PPP1R12C: variants seen among roughly 807,000 people sequenced by gnomAD.
PPP1R12C encodes the protein leukocyte receptor cluster (LRC) encoded novel gene 3.
Under a neutral mutation model 95.6 loss-of-function variants are expected in PPP1R12C, and 48 were observed. That is an observed-to-expected ratio of 0.50 (90% CI 0.40 to 0.64). PPP1R12C has a LOEUF of 0.64. PPP1R12C is among the 30% of genes least tolerant of loss of function. PPP1R12C has a pLI of 0.00. For synonymous variants in PPP1R12C, 480 were observed against 460.8 expected (o/e 1.04, Z -0.53); for missense variants, 1,057 against 1,083.3 (o/e 0.98, Z 0.34).
chr19:55,107,371 G>A (rs1051225208), intron 3 of PPP1R12C, among the ~76,000 whole-genome samples: 1 of 152,112 alleles, frequency 6.6e-6, no homozygotes, highest in Non-Finnish European at 1.5e-5. Context: ...TCAAGACCAT[G>A]CCACTGCACT....
Position 55,117,588 on chromosome 19 carries a change from A to ACCG in PPP1R12C, c.-48_-46dup, listed in dbSNP as rs1369780723. ...GCGAGCGAGCGAGCGCCGAGCCCCAACCGCCGCCACCACCCGCCCGCCCGC... is the reference window on the plus strand; with the variant it reads ...GCGAGCGAGCGAGCGCCGAGCCCCAACCGCCGCCGCCACCACCCGCCCGCCCGC... On this transcript the variant is annotated 5_prime_UTR_variant, in exon 1 of 22. Transcript: ENST00000263433. 8 of 949,112 alleles carry ACCG rather than the reference A, an allele frequency of 8.4e-6. No homozygotes were observed. Among genetic ancestry groups the ACCG allele is most frequent in the Non-Finnish European group, 1.0e-5 (8 of 798,540 alleles). The allele number at this position is 949,112 out of a possible 1,614,324, so 58.8% of individuals were successfully genotyped here. A position where few individuals can be genotyped will look rare whatever the true frequency, so the allele number is the denominator to read the frequency against.
At chr19:55,108,432 T>C (rs1422204951) in intron 3 of PPP1R12C, among the ~76,000 whole-genome samples, 1 of 151,842 alleles carries the variant, frequency 6.6e-6, no homozygotes, top group Non-Finnish European at 1.5e-5. Context: ...AGTTCCAGAC[T>C]AGCTTGGGCA....
At chr19:55,111,155 G>T (rs543174252) in intron 3 of PPP1R12C, among the ~76,000 whole-genome samples, 1 of 141,930 alleles carries the variant, frequency 7.0e-6, no homozygotes, top group Non-Finnish European at 1.5e-5. Context: ...GGGGGAGGGG[G>T]GGGTGCATGG....
rs1474347417 is a variant in PPP1R12C, at chr19:55,109,078, A to G, written c.571+3389T>C. On this transcript the variant is annotated intron_variant, in intron 3 of 21. Transcript: ENST00000263433. The surrounding 1 kb of genome is among the most constrained non-coding windows in gnomAD (Gnocchi z 4.4). Reference sequence around the variant, plus strand: ...TTGCTCCTACCTCTGGGCTATTGTGAACGATGCTATGAACACGGGTATATA... The same window carrying G: ...TTGCTCCTACCTCTGGGCTATTGTGGACGATGCTATGAACACGGGTATATA... Among the ~76,000 whole-genome samples, 4 of 152,168 alleles carry G rather than the reference A, an allele frequency of 2.6e-5. No individual in the cohort carries two copies. The highest frequency in any genetic ancestry group is 6.5e-5 in the Admixed American group (1 of 15,280).
chr19:55,104,150 G>A (rs2085008400), intron 3 of PPP1R12C, among the ~76,000 whole-genome samples: 1 of 114,170 alleles, frequency 8.8e-6, no homozygotes, highest in Admixed American at 1.1e-4. Context: ...GCAACACAGT[G>A]AGACTCTGTC....
intron 1 of PPP1R12C, chr19:55,113,972 G>C: frequency 6.3e-6 from 1 of 158,054 alleles, no homozygotes; most frequent in Non-Finnish European, 1.4e-5. Flanking sequence ...CCAGGCCCCA[G>C]CCCTTCCGCC....
rs374913827 is a variant in PPP1R12C at position 55,093,241 on chromosome 19, G to A, written c.1684-8C>T. The A allele has an allele frequency of 5.6e-6, 9 of 1,611,588 alleles. No homozygotes were observed. The African/African-American group carries it at 9.4e-5, about 17-fold the overall frequency. On this transcript the variant is annotated splice_polypyrimidine_tract_variant and splice_region_variant and intron_variant, in intron 13 of 21. Coordinates refer to ENST00000263433, the MANE Select transcript of PPP1R12C (RefSeq NM_017607.4). ...GTCTGTAAGAGTCACACCCTGGCAG[G>A]GAAAGGGGACAGTCAGGGGACGCTG...
rs1374527930 is a variant in PPP1R12C, at chr19:55,117,203, G to A, written c.321+20C>T. ...GAGGGTGGACCTGGCCCCGGGAGAC[G>A]CCGGGCGGGGGGCGCTGACCTGGTG... On this transcript the variant is annotated intron_variant, in intron 1 of 21. Coordinates refer to ENST00000263433, the MANE Select transcript of PPP1R12C (RefSeq NM_017607.4). 8.2e-7 allele frequency: 1 copy of A among 1,222,386 alleles called. No individual in the cohort carries two copies. Among genetic ancestry groups the A allele is most frequent in the Non-Finnish European group, 1.0e-6 (1 of 981,590 alleles). 75.7% of individuals were successfully genotyped at this position (1,222,386 alleles called of 1,614,324 possible).
chr19:55,094,469 C>G, intron 12 of PPP1R12C, 34 bp from the exon 13 acceptor site: 5 of 1,611,310 alleles, frequency 3.1e-6, no homozygotes, highest in Non-Finnish European at 4.2e-6. Context: ...GACAGGGAAC[C>G]TGGGGACCCT....
Position 55,096,747 on chromosome 19 carries a change from A to G in PPP1R12C, c.952-412T>C, listed in dbSNP as rs942738046. ...CCGCGCAGTTCACCACCGTCTTCAC[A>G]CCTTCCCCGCAGTTCACCACCGTCT... On this transcript the variant is annotated intron_variant, in intron 6 of 21. Transcript: ENST00000263433. The G allele has an allele frequency of 2.4e-4, 46 of 192,386 alleles. 1 individual carries two copies. Among genetic ancestry groups the G allele is most frequent in the Non-Finnish European group, 9.7e-5 (10 of 103,172 alleles). 11.9% of individuals were successfully genotyped at this position (192,386 alleles called of 1,614,324 possible). A position where few individuals can be genotyped will look rare whatever the true frequency, so the allele number is the denominator to read the frequency against.
At chr19:55,114,576 T>C (rs575144) in intron 1 of PPP1R12C, 141,127 of 152,286 alleles carry the variant, frequency 0.93, 65,484 homozygotes, top group East Asian at 1. Context: ...AGGGTTTCAG[T>C]GCTAAAACTA....
intron 3 of PPP1R12C, among the ~76,000 whole-genome samples, chr19:55,106,206 GA>G (rs34146351): frequency 0.048 from 7,257 of 152,218 alleles, 609 homozygotes; most frequent in African/African-American, 0.16. Flanking sequence ...AAAGTTTGCT[GA>G]CCCCTGCTTA....
chr19:55,104,205 CACACACACAT>C (rs1242769127), intron 3 of PPP1R12C, among the ~76,000 whole-genome samples: 1 of 134,844 alleles, frequency 7.4e-6, no homozygotes, highest in Non-Finnish European at 1.6e-5. Flanking sequence ...TATATACACA[CACACACACAT>C]ACAAAAATAT....
chr19:55,099,917 A>T (rs2084962851), intron 4 of PPP1R12C, among the ~76,000 whole-genome samples: 1 of 152,350 alleles, frequency 6.6e-6, no homozygotes, highest in African/African-American at 2.4e-5. Flanking sequence ...AGAGCTTCAC[A>T]AAGTGGGAAC....
In PPP1R12C at chr19:55,092,857, C is replaced by G. The variant is rs1001885599; in HGVS notation, c.1837G>C (p.Asp613His). The G allele has an allele frequency of 1.3e-6, 2 of 1,583,046 alleles. No homozygotes were observed. Among genetic ancestry groups the G allele is most frequent in the East Asian group, 4.7e-5 (2 of 42,960 alleles). ...GCCTGCGGTCCCGGACCCTGCCCGT[C>G]GGGCGCCTCTGCTGGGGGAGGGGCA... ...DSPAQRAEAP[D>H]GQGPGPQAAR... The change falls in exon 16 of 22, where the codon GAC becomes CAC. Residue 613 changes from aspartate to histidine, a missense_variant. Physicochemically the swap from Asp to His is moderately conservative, Grantham distance 81 (BLOSUM62 -1). Transcript: ENST00000263433.
chr19:55,092,994 C>T, intron 15 of PPP1R12C, 22 bp downstream of exon 15: 1 of 1,564,944 alleles, frequency 6.4e-7, no homozygotes, highest in Non-Finnish European at 8.7e-7. Context: ...CTGGGAATGA[C>T]CTCCCCGAGA....
intron 18 of PPP1R12C, 25 bp downstream of exon 18, chr19:55,092,417 C>A (rs923172653): frequency 6.3e-7 from 1 of 1,586,344 alleles, no homozygotes; most frequent in Non-Finnish European, 8.6e-7. Context: ...GCAGGCAAAG[C>A]CCCGACGGAG....
chr19:55,095,023 G>T, intron 11 of PPP1R12C: 2 of 689,610 alleles, frequency 2.9e-6, no homozygotes, highest in Non-Finnish European at 4.9e-6. Context: ...AACTGAGAGC[G>T]GGAGGGTGTG....
chr19:55,107,901 T>C (rs1395078976), intron 3 of PPP1R12C, among the ~76,000 whole-genome samples: 1 of 151,012 alleles, frequency 6.6e-6, no homozygotes, highest in African/African-American at 2.4e-5. Flanking sequence ...GTGAAAAAAA[T>C]GTGGTAAAAT....
Sources: allele counts gnomAD v4.1 joint callset (sites outside exome capture counted in the v4.1 genomes callset), GRCh38; gene constraint gnomAD v4.1.1; non-coding constraint Gnocchi (gnomAD v3.1); transcripts MANE v1.5; gene names NCBI Gene and HGNC (gene_info 2026-07-23, HGNC 2026-07-21).